CDH23: variants seen among roughly 807,000 people sequenced by gnomAD.
CDH23 encodes the protein cadherin-23.
CDH23 carries 189 observed loss-of-function variants against 317.1 expected under a neutral mutation model. The observed-to-expected ratio is 0.60, with a 90% CI of 0.53 to 0.67. The LOEUF is 0.67. CDH23 is among the 30% of genes least tolerant of loss of function. The probability of loss-of-function intolerance (pLI) is 0.00; values close to 1 mark genes in which losing one functional copy is unlikely to be tolerated. For synonymous variants in CDH23, 1,839 were observed against 1,876.8 expected (o/e 0.98, Z 0.52); for missense variants, 4,401 against 4,592.4 (o/e 0.96, Z 1.20).
At chr10:71,513,745 A>G (rs1854121939) in intron 6 of CDH23, among the ~76,000 whole-genome samples, 1 of 152,156 alleles carries the variant, frequency 6.6e-6, no homozygotes, top group African/African-American at 2.4e-5. Flanking sequence ...ACAGCTTTCA[A>G]ACTAGGGAGT....
intron 11 of CDH23, among the ~76,000 whole-genome samples, chr10:71,631,334 G>A (rs1862005522): frequency 1.3e-5 from 2 of 152,198 alleles, no homozygotes; most frequent in Admixed American, 1.3e-4. Context: ...ACTGGGGACT[G>A]GGCAGCCCCA....
At chr10:71,634,882 A>G (rs1222883508) in intron 11 of CDH23, among the ~76,000 whole-genome samples, 1 of 152,222 alleles carries the variant, frequency 6.6e-6, no homozygotes, top group Non-Finnish European at 1.5e-5. Flanking sequence ...GATTGAGGGG[A>G]GCCTCACCCT....
chr10:71,679,629 G>A, intron 17 of CDH23, 137 bp downstream of exon 17: 1 of 704,266 alleles, frequency 1.4e-6, no homozygotes, highest in South Asian at 1.7e-5. Context: ...GCTGCCCGGA[G>A]CACCTGGGGT....
intron 11 of CDH23, among the ~76,000 whole-genome samples, chr10:71,625,073 G>A (rs887816829): frequency 6.6e-6 from 1 of 152,082 alleles, no homozygotes; most frequent in African/African-American, 2.4e-5. Flanking sequence ...GCTCTGAATA[G>A]GGCCTTAAAG....
chr10:71,477,815 G>A lies in CDH23; in HGVS notation c.145+31420G>A, dbSNP rs147200468. The stretch of plus-strand genomic sequence containing the variant: ...TTGCTGTTTCTACTTGTGAAATGTC[G>A]CTCACACTGCCTGTCCCTTTCTCTC... On this transcript the variant is annotated intron_variant, in intron 3 of 69. Coordinates refer to ENST00000224721, the MANE Select transcript of CDH23 (RefSeq NM_022124.6). 4.9e-3 allele frequency among the ~76,000 whole-genome samples: 751 copies of A among 152,054 alleles called. 1 individual carries two copies. Among genetic ancestry groups the A allele is most frequent in the Non-Finnish European group, 7.4e-3 (505 of 67,998 alleles).
At chr10:71,723,533 T>C (rs1258256859) in intron 28 of CDH23, among the ~76,000 whole-genome samples, 3 of 152,108 alleles carry the variant, frequency 2.0e-5, no homozygotes, top group Non-Finnish European at 2.9e-5. Context: ...ATGGAGCCAT[T>C]GTGTGGGAGG....
intron 6 of CDH23, chr10:71,512,348 C>G (rs541267626): frequency 6.6e-6 from 1 of 152,260 alleles, no homozygotes; most frequent in East Asian, 1.9e-4. Context: ...CCATGCACTT[C>G]GCCTGCCTGG....
chr10:71,414,866 A>C (rs1848472585), intron 1 of CDH23, among the ~76,000 whole-genome samples: 1 of 152,202 alleles, frequency 6.6e-6, no homozygotes, highest in South Asian at 2.1e-4. Flanking sequence ...GTACAGTTTC[A>C]ATTTCTGTAA....
intron 37 of CDH23, 76 bp from the exon 38 acceptor site, chr10:71,741,618 G>C: frequency 7.7e-7 from 1 of 1,305,564 alleles, no homozygotes; most frequent in Non-Finnish European, 1.1e-6. Flanking sequence ...GGGAGCCTTC[G>C]GGCTACAGGA....
chr10:71,598,493 C>G (rs1273881963), intron 9 of CDH23, among the ~76,000 whole-genome samples: 1 of 152,210 alleles, frequency 6.6e-6, no homozygotes, highest in Non-Finnish European at 1.5e-5. Context: ...TATAGGGTAT[C>G]CACTGCTTTG....
chr10:71,594,582 G>A (rs1392525889), intron 9 of CDH23, among the ~76,000 whole-genome samples: 3 of 152,090 alleles, frequency 2.0e-5, no homozygotes, highest in Admixed American at 2.0e-4. Flanking sequence ...CTCCATGTTG[G>A]TCAGGCTGGT....
chr10:71,566,370 G>A (rs1418133805), intron 6 of CDH23, among the ~76,000 whole-genome samples: 2 of 151,622 alleles, frequency 1.3e-5, no homozygotes, highest in East Asian at 1.9e-4. Context: ...GCTGCCAGGA[G>A]GGAGGCTTGA....
At chr10:71,778,043 G>A in intron 39 of CDH23, 142 bp downstream of exon 39, 1 of 1,436,220 alleles carries the variant, frequency 7.0e-7, no homozygotes, top group African/African-American at 1.4e-5. Context: ...AGGATGAAAA[G>A]TTTGGTGGAG....
intron 1 of CDH23, among the ~76,000 whole-genome samples, chr10:71,432,513 T>TGTGAGTGTGTGG (rs1168421767): frequency 2.0e-5 from 3 of 150,638 alleles, no homozygotes; most frequent in African/African-American, 7.3e-5. Context: ...TGTGGGTGAG[T>TGTGAGTGTGTGG]GTGAGTGTGT....
chr10:71,413,540 A>G (rs985214473), intron 1 of CDH23, among the ~76,000 whole-genome samples: 1 of 152,210 alleles, frequency 6.6e-6, no homozygotes, highest in African/African-American at 2.4e-5. Flanking sequence ...TTTTGATAAG[A>G]ATTACATTAA....
Position 71,791,265 on chromosome 10 carries a change from T to A in CDH23, c.6183T>A (p.Asp2061Glu). ...CCCACCTGCTCATCACCATCCTGGA[T>A]GACAATGACAACCGGCCCACCTTTA... The part of the protein sequence containing the change: ...STAHLLITIL[D>E]DNDNRPTFSP... The change falls in exon 47 of 70, where the codon GAT becomes GAA. Residue 2061 changes from aspartate (D) to glutamate (E), a missense_variant. Physicochemically the swap from Asp to Glu is conservative, Grantham distance 45. Coordinates refer to ENST00000224721, the MANE Select transcript of CDH23 (RefSeq NM_022124.6). 1 of 1,613,828 alleles carries A rather than the reference T, an allele frequency of 6.2e-7. No individual in the cohort carries two copies. The highest frequency in any genetic ancestry group is 2.2e-5 in the East Asian group (1 of 44,888).
chr10:71,664,000 CAAA>C (rs772733185), intron 14 of CDH23, among the ~76,000 whole-genome samples: 2 of 90,500 alleles, frequency 2.2e-5, no homozygotes, highest in Admixed American at 1.2e-4. Flanking sequence ...GACTCTGTCT[CAAA>C]AAAAAAAAAA....
In CDH23 at chr10:71,677,554, G is replaced by C. The variant is rs1459917209; in HGVS notation, c.1613G>C (p.Gly538Ala). Residue 538 changes from glycine (G) to alanine (A), a missense_variant, in exon 16 of 70, where the codon GGG becomes GCG. Gly to Ala is a moderately conservative substitution (Grantham distance 60). This residue lies in a region of CDH23 where 3,068 missense variants were observed against 3,203.3 expected (regional missense o/e 0.96). Coordinates refer to ENST00000224721, the MANE Select transcript of CDH23 (RefSeq NM_022124.6). The part of the protein sequence containing the change: ...RFTLTIIARD[G>A]GGEETTGRVR... ...ACCCTGACGATCATTGCCCGGGACG[G>C]GGGCGGCGAGGAGACCACAGGCCGG... The C allele has an allele frequency of 1.2e-6, 2 of 1,611,690 alleles. No individual in the cohort carries two copies. The highest frequency in any genetic ancestry group is 1.7e-6 in the Non-Finnish European group (2 of 1,179,244).
At chr10:71,614,811 T>C (rs372517887) in intron 9 of CDH23, among the ~76,000 whole-genome samples, 7 of 152,258 alleles carry the variant, frequency 4.6e-5, no homozygotes, top group Non-Finnish European at 1.5e-5. Flanking sequence ...CAGTGTGAGT[T>C]TCTGTGGAGA....
Sources: allele counts gnomAD v4.1 joint callset (sites outside exome capture counted in the v4.1 genomes callset), GRCh38; gene constraint gnomAD v4.1.1; regional missense constraint gnomAD v4.1.1; transcripts MANE v1.5; gene names NCBI Gene and HGNC (gene_info 2026-07-23, HGNC 2026-07-21).